The following GALNT13 variants were observed in gnomAD, a reference collection of about 807,000 sequenced individuals.
The protein encoded by GALNT13 is polypeptide N-acetylgalactosaminyltransferase 13.
Under a neutral mutation model 64.2 loss-of-function variants are expected in GALNT13, and 28 were observed. That is an observed-to-expected ratio of 0.44 (90% CI 0.32 to 0.60). The LOEUF (loss-of-function observed/expected upper bound fraction) is 0.60. Ranked by LOEUF, GALNT13 falls within the 20% of genes least tolerant of loss-of-function variation. The probability of loss-of-function intolerance (pLI) is 0.05; values close to 1 mark genes in which losing one functional copy is unlikely to be tolerated. For synonymous variants in GALNT13, 214 were observed against 224.6 expected, an observed-to-expected ratio of 0.95 and a Z score of 0.42; for missense variants, 577 against 669.8, an observed-to-expected ratio of 0.86 and a Z score of 1.53.
At chr2:153,530,682 T>A in the GALNT13 span, among the ~76,000 whole-genome samples, 1 of 150,854 alleles carries the variant, frequency 6.6e-6, no homozygotes, top group Non-Finnish European at 1.5e-5. Flanking sequence ...CAAAAAAAAA[T>A]CAAAAAGAGA....
chr2:153,496,511 T>C, the GALNT13 span, among the ~76,000 whole-genome samples: 1 of 152,222 alleles, frequency 6.6e-6, no homozygotes, highest in Non-Finnish European at 1.5e-5. Flanking sequence ...CCTGACTTTG[T>C]AAAATAGTTT....
the GALNT13 span, among the ~76,000 whole-genome samples, chr2:153,140,658 G>C: frequency 6.6e-6 from 1 of 151,936 alleles, no homozygotes; most frequent in Non-Finnish European, 1.5e-5. Context: ...TATAATGAGT[G>C]CCTTTTATGT....
the GALNT13 span, among the ~76,000 whole-genome samples, chr2:153,670,279 C>A: frequency 6.6e-6 from 1 of 152,268 alleles, no homozygotes; most frequent in African/African-American, 2.4e-5. Flanking sequence ...GGCTGGGAGA[C>A]ACCTCCCAGT....
At chr2:153,761,634 A>G in the GALNT13 span, 3 of 152,436 alleles carry the variant, frequency 2.0e-5, no homozygotes, top group East Asian at 1.9e-4. Context: ...AAGAGAGCTT[A>G]TCATGAGACA....
chr2:153,685,023 T>C, the GALNT13 span, among the ~76,000 whole-genome samples: 1 of 152,026 alleles, frequency 6.6e-6, no homozygotes, highest in Non-Finnish European at 1.5e-5. Flanking sequence ...ATGATGTTTA[T>C]GTATCACATT....
At chr2:153,301,312 A>AAAAAAAAAAAAAAG in the GALNT13 span, among the ~76,000 whole-genome samples, 9 of 103,004 alleles carry the variant, frequency 8.7e-5, 2 homozygotes, top group African/African-American at 1.5e-4. Context: ...TCCTTCTCAA[A>AAAAAAAAAAAAAAG]AAAAAAGAAA....
At chr2:153,401,563 G>T in the GALNT13 span, among the ~76,000 whole-genome samples, 6 of 150,540 alleles carry the variant, frequency 4.0e-5, no homozygotes, top group East Asian at 1.2e-3. Flanking sequence ...GGGAGTCTAA[G>T]TCTCTTTGTA....
At chr2:154,379,965 A>AT (rs1698188511) in intron 9 of GALNT13, among the ~76,000 whole-genome samples, 1 of 152,040 alleles carries the variant, frequency 6.6e-6, no homozygotes, top group Non-Finnish European at 1.5e-5. Context: ...TTGCTTTCAA[A>AT]TTTTTTTATC....
At chr2:154,024,400 C>A (rs993860826) in intron 3 of GALNT13, among the ~76,000 whole-genome samples, 1 of 151,426 alleles carries the variant, frequency 6.6e-6, no homozygotes, top group African/African-American at 2.4e-5. Context: ...CATTTCTTTT[C>A]TTTTTTCTCT....
At chr2:154,322,501 G>A (rs1438132972) in intron 9 of GALNT13, among the ~76,000 whole-genome samples, 1 of 147,000 alleles carries the variant, frequency 6.8e-6, no homozygotes, top group Non-Finnish European at 1.5e-5. Context: ...GAATAAGGAT[G>A]TAACTGTAAA....
chr2:153,625,472 CAGAG>C, the GALNT13 span, among the ~76,000 whole-genome samples: 1 of 151,982 alleles, frequency 6.6e-6, no homozygotes, highest in Non-Finnish European at 1.5e-5. Flanking sequence ...CTATTATTGA[CAGAG>C]AGAAGAAAGA....
the GALNT13 span, among the ~76,000 whole-genome samples, chr2:153,236,307 T>C: frequency 4.1e-4 from 63 of 152,230 alleles, no homozygotes; most frequent in African/African-American, 1.3e-3. Context: ...GCTAAGATCA[T>C]TGATGAAGGT....
At chr2:154,339,803 TTC>T (rs1695656392) in intron 9 of GALNT13, among the ~76,000 whole-genome samples, 1 of 152,092 alleles carries the variant, frequency 6.6e-6, no homozygotes, top group African/African-American at 2.4e-5. Context: ...TTCCTGAGCT[TTC>T]TCTCTCTGTA....
At chr2:154,370,470 G>A (rs1697621421) in intron 9 of GALNT13, among the ~76,000 whole-genome samples, 1 of 152,108 alleles carries the variant, frequency 6.6e-6, no homozygotes, top group South Asian at 2.1e-4. Context: ...TGGCATAAGT[G>A]AAATGGGCTA....
the GALNT13 span, among the ~76,000 whole-genome samples, chr2:153,169,068 G>C: frequency 3.3e-5 from 5 of 151,722 alleles, no homozygotes; most frequent in East Asian, 9.7e-4. Context: ...TTTTGCTTCA[G>C]ATGCAGTCAC....
chr2:153,208,565 A>C, the GALNT13 span, among the ~76,000 whole-genome samples: 1 of 152,096 alleles, frequency 6.6e-6, no homozygotes, highest in African/African-American at 2.4e-5. Context: ...TCGGCATTTA[A>C]TGGGATTTCA....
intron 4 of GALNT13, among the ~76,000 whole-genome samples, chr2:154,211,240 G>C (rs368421620): frequency 1.3e-5 from 2 of 151,994 alleles, no homozygotes; most frequent in Admixed American, 1.3e-4. Flanking sequence ...TTGCTCCCAG[G>C]CTACAAATCT....
chr2:154,255,456 G>A (rs1299515660), intron 7 of GALNT13, among the ~76,000 whole-genome samples: 1 of 152,160 alleles, frequency 6.6e-6, no homozygotes, highest in Non-Finnish European at 1.5e-5. Flanking sequence ...CAGCAGGCTT[G>A]TAAGCTCAAG....
At chr2:153,521,916 G>A in the GALNT13 span, among the ~76,000 whole-genome samples, 1,585 of 152,128 alleles carry the variant, frequency 0.01, 30 homozygotes, top group African/African-American at 0.036. Context: ...CATTGTCTGG[G>A]TGTACCACAG....
Sources: allele counts gnomAD v4.1 joint callset (sites outside exome capture counted in the v4.1 genomes callset), GRCh38; gene constraint gnomAD v4.1.1; transcripts MANE v1.5; gene names NCBI Gene and HGNC (gene_info 2026-07-23, HGNC 2026-07-21).